Variants in MAPK8IP3 observed in about 807,000 individuals in gnomAD.
The protein encoded by MAPK8IP3 is mitogen-activated protein kinase 8 interacting protein 3, also known as C-Jun-amino-terminal kinase-interacting protein 3.
MAPK8IP3 carries 49 observed loss-of-function variants against 157.8 expected under a neutral mutation model. The ratio of observed to expected loss-of-function variants is 0.31; its 90% CI spans 0.25 to 0.39. The LOEUF is 0.39. MAPK8IP3 is among the 10% of genes least tolerant of loss of function. MAPK8IP3 has a pLI of 1.00. For synonymous variants in MAPK8IP3, 897 were observed against 777.7 expected (o/e 1.15, Z -2.55); for missense variants, 1,478 against 1,889.4 (o/e 0.78, Z 4.04).
At chr16:1,735,145 G>C (rs1596619390) in intron 4 of MAPK8IP3, 1 of 151,812 alleles carries the variant, frequency 6.6e-6, no homozygotes, top group Admixed American at 6.6e-5. Context: ...TGTCCCTCTT[G>C]GGTGCCTGTG....
At chr16:1,731,979 A>G (rs1454415985) in intron 4 of MAPK8IP3, among the ~76,000 whole-genome samples, 3 of 151,994 alleles carry the variant, frequency 2.0e-5, no homozygotes, top group Non-Finnish European at 2.9e-5. Flanking sequence ...TTTTCCTCAG[A>G]GAGTCGGGGG....
chr16:1,760,308 G>C, intron 11 of MAPK8IP3, 72 bp from the exon 12 acceptor site: 1 of 1,535,914 alleles, frequency 6.5e-7, no homozygotes. Context: ...AAGTGCAGGC[G>C]CCCCTGGCAA....
chr16:1,767,738 G>A lies in MAPK8IP3; in HGVS notation c.3409+3G>A. ...GCCCTACGTCAGCAAGATGCTAGGTGAGGGGCCACGCCAGATGGGGTGGTG... is the reference window on the plus strand; with the variant it reads ...GCCCTACGTCAGCAAGATGCTAGGTAAGGGGCCACGCCAGATGGGGTGGTG... On this transcript the variant is annotated splice_donor_region_variant and intron_variant, in intron 27 of 31. Transcript: ENST00000610761. The A allele has an allele frequency of 1.2e-6, 2 of 1,612,576 alleles. No homozygotes were observed. The highest frequency in any genetic ancestry group is 1.7e-6 in the Non-Finnish European group (2 of 1,179,890).
In MAPK8IP3 at chr16:1,744,741, C is replaced by T. The variant is rs530088582; in HGVS notation, c.747+1265C>T. ...CGCCCGCTCTGGGCCCGCTCTTCTT[C>T]TCATGATGTCTTTCCTTTCACCTCC... On this transcript the variant is annotated intron_variant, in intron 5 of 31. Coordinates refer to ENST00000610761, the MANE Select transcript of MAPK8IP3 (RefSeq NM_001318852.2). 3.5e-3 allele frequency: 3,479 copies of T among 985,528 alleles called. 5 individuals are homozygous for T. Among genetic ancestry groups the T allele is most frequent in the Non-Finnish European group, 3.9e-3 (3,197 of 829,966 alleles). 61.0% of individuals were successfully genotyped at this position (985,528 alleles called of 1,614,324 possible).
intron 20 of MAPK8IP3, 113 bp from the exon 21 acceptor site, chr16:1,765,847 G>A: frequency 1.0e-6 from 1 of 996,524 alleles, no homozygotes; most frequent in Non-Finnish European, 1.5e-6. Context: ...AGCTGGGTCT[G>A]CTGGGAAAGT....
intron 8 of MAPK8IP3, among the ~76,000 whole-genome samples, chr16:1,756,773 G>A (rs774574049): frequency 1.6e-4 from 25 of 152,174 alleles, no homozygotes; most frequent in East Asian, 1.9e-4. Flanking sequence ...AGTAAGCTAT[G>A]ATAGTGCCAC....
Position 1,743,444 on chromosome 16 carries a change from C to T in MAPK8IP3, c.715C>T (p.Leu239Phe). Residue 239 changes from leucine (L) to phenylalanine (F), a missense_variant, in exon 5 of 32, where the codon CTC (leucine) becomes TTC (phenylalanine). Leu to Phe is a conservative substitution (Grantham distance 22). This residue lies in a region of MAPK8IP3 where 315 missense variants were observed against 394.4 expected (regional missense o/e 0.80). Coordinates refer to ENST00000610761, the MANE Select transcript of MAPK8IP3 (RefSeq NM_001318852.2). The surrounding 1 kb of genome is among the most constrained non-coding windows in gnomAD (Gnocchi z 5.6). ...GGGGGACCACTGGCACCTGAGTGAC[C>T]TCGGCCAGCTGCAGTCCAGCTCCAG... The part of the protein sequence containing the change: ...PAGDHWHLSD[L>F]GQLQSSSSYQ... 1 of 1,610,114 alleles carries T rather than the reference C, an allele frequency of 6.2e-7. No individual in the cohort carries two copies.
chr16:1,768,009 G>A, intron 28 of MAPK8IP3, 60 bp from the exon 29 acceptor site: 3 of 1,610,426 alleles, frequency 1.9e-6, no homozygotes, highest in Non-Finnish European at 2.5e-6. Context: ...CTTGGAGGGT[G>A]CCTTGCTGCC....
Position 1,768,565 on chromosome 16 carries a change from C to G in MAPK8IP3, c.3831C>G (p.Gly1277=). The part of the protein sequence containing the change: ...GPAAPASEVE[G]QKLRNVLVLS... ...CTGCCCCTGCCTCGGAGGTCGAGGG[C>G]CAGAAGCTGCGGAACGTGCTGGTGC... Residue 1277 remains glycine, a synonymous_variant, in exon 31 of 32, where the codon GGC becomes GGG. Coordinates refer to ENST00000610761, the MANE Select transcript of MAPK8IP3 (RefSeq NM_001318852.2). 1 of 1,579,706 alleles carries G rather than the reference C, an allele frequency of 6.3e-7. No homozygotes were observed.
At chr16:1,708,708 G>C (rs1024363268) in intron 1 of MAPK8IP3, among the ~76,000 whole-genome samples, 2 of 152,110 alleles carry the variant, frequency 1.3e-5, no homozygotes, top group African/African-American at 4.8e-5. Context: ...CAGCGCTTTA[G>C]AGAAGCTGCA....
At chr16:1,722,219 TG>T (rs2038575218) in intron 1 of MAPK8IP3, among the ~76,000 whole-genome samples, 2 of 152,322 alleles carry the variant, frequency 1.3e-5, no homozygotes, top group South Asian at 4.1e-4. Context: ...GTGGAGTGTT[TG>T]TTTTTCTTCC....
intron 2 of MAPK8IP3, among the ~76,000 whole-genome samples, chr16:1,725,637 GA>G (rs2038829804): frequency 6.6e-6 from 1 of 151,494 alleles, no homozygotes; most frequent in South Asian, 2.1e-4. Context: ...AAAAAAAAAA[GA>G]AAAAATTTAA....
In MAPK8IP3 at chr16:1,762,942, C is replaced by T. The variant is rs1242346639; in HGVS notation, c.1834C>T (p.Arg612Cys). Reference protein sequence around the residue: ...KSPTTAGFSQRRNHAMCPISA... With the variant: ...KSPTTAGFSQCRNHAMCPISA... ...ACCCACCACTGCCGGCTTCAGCCAG[C>T]GCCGCAACCATGCCATGTGCCCGAT... The change falls in exon 16 of 32, where the codon CGC becomes TGC. Residue 612 changes from arginine (R) to cysteine (C), a missense_variant. Physicochemically the swap from Arg to Cys is radical, Grantham distance 180 (BLOSUM62 -3). Coordinates refer to ENST00000610761, the MANE Select transcript of MAPK8IP3 (RefSeq NM_001318852.2). 10 of 1,613,088 alleles carry T rather than the reference C, an allele frequency of 6.2e-6. No individual in the cohort carries two copies. The highest frequency in any genetic ancestry group is 5.5e-5 in the South Asian group (5 of 91,090).
chr16:1,726,395 C>T (rs2038878962), intron 2 of MAPK8IP3, among the ~76,000 whole-genome samples: 1 of 152,182 alleles, frequency 6.6e-6, no homozygotes, highest in African/African-American at 2.4e-5. Context: ...ACAGGCAAGG[C>T]TGGGAACAGT....
At position 1,748,266 on chromosome 16, in the gene MAPK8IP3, G is replaced by T. The variant is rs1428016936; in HGVS notation, c.1017G>T (p.Trp339Cys). ...TAGGCATGGGCAGCAGTGACGAGTG[G>T]TCTGATGTTCAAGACATTATTGACT... ...VSIGMGSSDE[W>C]SDVQDIIDST... The change falls in exon 7 of 32, where the codon TGG becomes TGT. Residue 339 changes from tryptophan to cysteine, a missense_variant. Around this residue, in one of 11 missense-constraint regions of MAPK8IP3, gnomAD observed 315 missense variants for 394.4 expected, o/e 0.80. Transcript: ENST00000610761. 2 of 1,613,854 alleles carry T rather than the reference G, an allele frequency of 1.2e-6. No individual in the cohort carries two copies. The highest frequency in any genetic ancestry group is 1.7e-5 in the Admixed American group (1 of 60,008).
rs2037700483 is a variant in MAPK8IP3 at position 1,710,464 on chromosome 16, ACT to A, written c.318+3810_318+3811del. 6.6e-6 allele frequency among the ~76,000 whole-genome samples: 1 copy of A among 152,106 alleles called. No homozygotes were observed. Among genetic ancestry groups the A allele is most frequent in the Admixed American group, 6.6e-5 (1 of 15,260 alleles). ...CTCCAGCCTGGGCAACAAGAGTGAG[ACT>A]CTGTCTCAAAATAAATAAATAGATA... is the stretch of plus-strand genomic sequence containing the variant. On this transcript the variant is annotated intron_variant, in intron 1 of 31. Coordinates refer to ENST00000610761, the MANE Select transcript of MAPK8IP3 (RefSeq NM_001318852.2). The surrounding 1 kb of genome is among the most constrained non-coding windows in gnomAD (Gnocchi z 4.1).
chr16:1,755,581 G>T (rs1431834715), intron 8 of MAPK8IP3, among the ~76,000 whole-genome samples: 1 of 152,258 alleles, frequency 6.6e-6, no homozygotes, highest in East Asian at 1.9e-4. Context: ...GGGTGCGGTG[G>T]CTCATGCCTG....
Position 1,729,475 on chromosome 16 carries a change from C to G in MAPK8IP3, c.511-12C>G, listed in dbSNP as rs2039140016. ...CACGGCAGCGCTAATGCAGGCGTTTCCCTCCTCGCAGATGATACAGACCTA... is the reference window on the plus strand; with the variant it reads ...CACGGCAGCGCTAATGCAGGCGTTTGCCTCCTCGCAGATGATACAGACCTA... On this transcript the variant is annotated splice_polypyrimidine_tract_variant and intron_variant, in intron 3 of 31. Transcript: ENST00000610761. 1 of 1,610,554 alleles carries G rather than the reference C, an allele frequency of 6.2e-7. No homozygotes were observed. The highest frequency in any genetic ancestry group is 8.5e-7 in the Non-Finnish European group (1 of 1,178,138).
chr16:1,725,676 A>G (rs778468652), intron 2 of MAPK8IP3, among the ~76,000 whole-genome samples: 1 of 152,056 alleles, frequency 6.6e-6, no homozygotes, highest in Non-Finnish European at 1.5e-5. Flanking sequence ...TTTCCTGTGT[A>G]ATTTTCCTTT....
Sources: allele counts gnomAD v4.1 joint callset (sites outside exome capture counted in the v4.1 genomes callset), GRCh38; gene constraint gnomAD v4.1.1; regional missense constraint gnomAD v4.1.1; non-coding constraint Gnocchi (gnomAD v3.1); transcripts MANE v1.5; gene names NCBI Gene and HGNC (gene_info 2026-07-23, HGNC 2026-07-21).